Variants in GRIK4 observed in about 807,000 individuals in gnomAD.
GRIK4 encodes glutamate receptor ionotropic, kainate 4.
A neutral mutation model predicts 104.9 loss-of-function variants in GRIK4; 40 were observed. The observed-to-expected ratio is 0.38, with a 90% CI of 0.30 to 0.50. GRIK4 has a LOEUF of 0.50. Ranked by LOEUF, GRIK4 falls within the 20% of genes least tolerant of loss-of-function variation. The pLI, the probability that GRIK4 is intolerant of heterozygous loss-of-function variation, is 0.93. For missense variants in GRIK4, 1,047 were observed against 1,308.1 expected (o/e 0.80, Z 3.08); for synonymous variants, 485 against 524.9 (o/e 0.92, Z 1.04).
At chr11:120,831,807 G>A in intron 6 of GRIK4, 45 bp from the exon 7 acceptor site, 1 of 1,513,734 alleles carries the variant, frequency 6.6e-7, no homozygotes, top group African/African-American at 1.4e-5. Context: ...GTCTCTAGAG[G>A]CAGCTCTGTG....
intron 3 of GRIK4, among the ~76,000 whole-genome samples, chr11:120,798,394 C>T (rs912772635): frequency 5.3e-5 from 8 of 151,918 alleles, no homozygotes; most frequent in African/African-American, 1.7e-4. Flanking sequence ...CCTGACCTCA[C>T]GCAGGTAATC....
intron 1 of GRIK4, among the ~76,000 whole-genome samples, chr11:120,544,721 G>A (rs753115796): frequency 6.6e-6 from 1 of 152,150 alleles, no homozygotes; most frequent in Non-Finnish European, 1.5e-5. Flanking sequence ...GTTACCACGG[G>A]GACATGGAAA....
At chr11:120,603,429 T>C (rs536273786) in intron 1 of GRIK4, among the ~76,000 whole-genome samples, 14 of 152,366 alleles carry the variant, frequency 9.2e-5, no homozygotes, top group South Asian at 4.1e-4. Context: ...ATCAGGGCTT[T>C]TTATTTCTGC....
chr11:120,951,374 C>G (rs1218189422), intron 14 of GRIK4, among the ~76,000 whole-genome samples: 1 of 152,220 alleles, frequency 6.6e-6, no homozygotes, highest in Non-Finnish European at 1.5e-5. Flanking sequence ...CTTCTTCTAG[C>G]TTCCCCTGGA....
In GRIK4 at chr11:120,986,298, CGGGAGGGGA is replaced by C; in HGVS notation, c.*42_*50del. 4.6e-6 allele frequency: 1 copy of C among 219,366 alleles called. No individual in the cohort carries two copies. The highest frequency in any genetic ancestry group is 1.2e-4 in the East Asian group (1 of 8,406). 13.6% of individuals were successfully genotyped at this position (219,366 alleles called of 1,614,324 possible). A position where few individuals can be genotyped will look rare whatever the true frequency, so the allele number is the denominator to read the frequency against. On this transcript the variant is annotated 3_prime_UTR_variant, in exon 21 of 21. Transcript: ENST00000527524. ...CAGGACGCGCAGAGGCCGGGCGGGG[CGGGAGGGGA>C]GGGGCGGGGCGGGCGCTGCTGTCAG...
chr11:120,534,501 A>G (rs1947952854), intron 1 of GRIK4, among the ~76,000 whole-genome samples: 1 of 152,168 alleles, frequency 6.6e-6, no homozygotes, highest in South Asian at 2.1e-4. Context: ...CGGAGCGCTG[A>G]GAACCGTGCA....
At chr11:120,945,519 T>A (rs1943837939) in intron 14 of GRIK4, among the ~76,000 whole-genome samples, 1 of 152,210 alleles carries the variant, frequency 6.6e-6, no homozygotes, top group Non-Finnish European at 1.5e-5. Flanking sequence ...ATAAATCCAG[T>A]GATCCTGTGG....
At chr11:120,951,790 CAGT>C (rs1944007538) in intron 14 of GRIK4, among the ~76,000 whole-genome samples, 1 of 152,186 alleles carries the variant, frequency 6.6e-6, no homozygotes, top group African/African-American at 2.4e-5. Flanking sequence ...AAGTTGGACT[CAGT>C]GGTGTTGGAT....
intron 19 of GRIK4, among the ~76,000 whole-genome samples, chr11:120,975,409 C>G (rs769256799): frequency 1.6e-4 from 24 of 152,130 alleles, no homozygotes; most frequent in Non-Finnish European, 2.8e-4. Context: ...GTGGAGGAAG[C>G]CTCTCTCTGA....
At chr11:120,864,899 C>T (rs550501920) in intron 9 of GRIK4, among the ~76,000 whole-genome samples, 1 of 152,292 alleles carries the variant, frequency 6.6e-6, no homozygotes, top group South Asian at 2.1e-4. Flanking sequence ...CAAATACTGG[C>T]CTTGACATTT....
chr11:120,558,365 A>G (rs1948207563), intron 1 of GRIK4, among the ~76,000 whole-genome samples: 2 of 152,198 alleles, frequency 1.3e-5, no homozygotes, highest in African/African-American at 4.8e-5. Context: ...AGGTGGGCGG[A>G]TCATGATGTC....
At chr11:120,614,295 G>A (rs1397499651) in intron 1 of GRIK4, among the ~76,000 whole-genome samples, 1 of 152,246 alleles carries the variant, frequency 6.6e-6, no homozygotes, top group African/African-American at 2.4e-5. Flanking sequence ...GAAGAGTGGA[G>A]AAGTGAGACA....
rs996408847 is a variant in GRIK4, at chr11:120,925,475, G to A, written c.1477-14872G>A. Among the ~76,000 whole-genome samples the A allele has an allele frequency of 8.5e-5, 13 of 152,288 alleles. 1 individual carries two copies. The highest frequency in any genetic ancestry group is 8.8e-5 in the Non-Finnish European group (6 of 68,022). The stretch of plus-strand genomic sequence containing the variant: ...GCTCATTAGTTCAGGTCTGCAGGTT[G>A]GATCCCCATGTGGACCAGTTAGCTT... On this transcript the variant is annotated intron_variant, in intron 13 of 20. Coordinates refer to ENST00000527524, the MANE Select transcript of GRIK4 (RefSeq NM_014619.5).
At chr11:120,724,535 G>A (rs140972405) in intron 3 of GRIK4, among the ~76,000 whole-genome samples, 82 of 152,254 alleles carry the variant, frequency 5.4e-4, no homozygotes, top group African/African-American at 1.9e-3. Context: ...GGCATTGAAT[G>A]TGCCCGGCCT....
At chr11:120,705,931 G>A (rs929230749) in intron 3 of GRIK4, among the ~76,000 whole-genome samples, 13 of 152,250 alleles carry the variant, frequency 8.5e-5, no homozygotes, top group Middle Eastern at 3.4e-3. Flanking sequence ...TTTTCTGGAG[G>A]CCCCAGCATC....
intron 1 of GRIK4, among the ~76,000 whole-genome samples, chr11:120,642,478 A>AT (rs35142789): frequency 0.058 from 8,093 of 140,466 alleles, 503 homozygotes; most frequent in African/African-American, 0.16. Flanking sequence ...CTCTCTGGGC[A>AT]TTTTTTTTTT....
chr11:120,760,396 T>C (rs964762723), intron 3 of GRIK4, among the ~76,000 whole-genome samples: 1 of 146,736 alleles, frequency 6.8e-6, no homozygotes, highest in Non-Finnish European at 1.5e-5. Flanking sequence ...TATATACATA[T>C]ATATAAACAT....
At chr11:120,640,477 TTTAA>T (rs1437491424) in intron 1 of GRIK4, among the ~76,000 whole-genome samples, 6 of 152,186 alleles carry the variant, frequency 3.9e-5, no homozygotes, top group African/African-American at 7.2e-5. Context: ...CTTAATATTT[TTTAA>T]TTAATTAATG....
At chr11:120,780,669 G>T (rs977905193) in intron 3 of GRIK4, among the ~76,000 whole-genome samples, 2 of 152,084 alleles carry the variant, frequency 1.3e-5, no homozygotes, top group African/African-American at 4.8e-5. Context: ...ACATCATATG[G>T]TAATTCTATT....
Sources: allele counts gnomAD v4.1 joint callset (sites outside exome capture counted in the v4.1 genomes callset), GRCh38; gene constraint gnomAD v4.1.1; transcripts MANE v1.5; gene names NCBI Gene and HGNC (gene_info 2026-07-23, HGNC 2026-07-21).